Variants in WDR77 observed in about 807,000 individuals in gnomAD.
WDR77 encodes WD repeat domain 77.
A neutral mutation model predicts 44.0 loss-of-function variants in WDR77; 31 were observed. The observed-to-expected ratio is 0.70, with a 90% CI of 0.53 to 0.95. WDR77 has a LOEUF of 0.95. Ranked by LOEUF, WDR77 falls within the 40% of genes least tolerant of loss-of-function variation. The pLI is 0.00. For synonymous variants in WDR77, 186 were observed against 165.7 expected, an observed-to-expected ratio of 1.12 and a Z score of -0.94; for missense variants, 390 against 423.9, an observed-to-expected ratio of 0.92 and a Z score of 0.70.
chr1:111,441,259 C>T lies in WDR77; in HGVS notation c.1000G>A (p.Ala334Thr), dbSNP rs769559656. ...TCAGTAACACTTGCAGGTCCAGGGG[C>T]TGGGAGAGGTTCTGTGGGCACAACG... ...HHVVPTEPLP[A>T]PGPASVTE The change falls in exon 10 of 10, where the codon GCC (alanine) becomes ACC (threonine). Residue 334 changes from alanine to threonine, a missense_variant. By Grantham distance (58) the Ala-to-Thr change is moderately conservative. Coordinates refer to ENST00000235090, the MANE Select transcript of WDR77 (RefSeq NM_024102.4). 8 of 1,574,274 alleles carry T rather than the reference C, an allele frequency of 5.1e-6. 1 individual carries two copies. The South Asian group carries it at 9.4e-5, about 18-fold the overall frequency.
chr1:111,444,207 C>T, intron 4 of WDR77, 83 bp from the exon 5 acceptor site: 1 of 1,384,700 alleles, frequency 7.2e-7, no homozygotes, highest in Non-Finnish European at 1.0e-6. Context: ...AATCAAGGGG[C>T]AGGAGGGAGG....
rs1652751500 is a variant in WDR77 at position 111,440,258 on chromosome 1, T to TAAAA, written c.*971_*972insTTTT. 1 of 152,182 alleles carries TAAAA rather than the reference T, an allele frequency of 6.6e-6. No homozygotes were observed. The highest frequency in any genetic ancestry group is 2.4e-5 in the African/African-American group (1 of 41,436). 9.4% of individuals were successfully genotyped at this position (152,182 alleles called of 1,614,324 possible). Reference sequence around the variant, plus strand: ...TCTAACTACACATAACACACATGCTTCAAAAAAGACAGGCCAACAATGCCT... The same window carrying TAAAA: ...TCTAACTACACATAACACACATGCTTAAAACAAAAAAGACAGGCCAACAATGCCT... On this transcript the variant is annotated 3_prime_UTR_variant, in exon 10 of 10. Coordinates refer to ENST00000235090, the MANE Select transcript of WDR77 (RefSeq NM_024102.4).
At chr1:111,444,746 A>G (rs1215543456) in intron 4 of WDR77, among the ~76,000 whole-genome samples, 3 of 152,262 alleles carry the variant, frequency 2.0e-5, no homozygotes, top group Non-Finnish European at 4.4e-5. Flanking sequence ...GTAAAATTCA[A>G]TGAAGGGGGC....
At chr1:111,447,166 A>T in intron 3 of WDR77, 22 bp from the exon 4 acceptor site, 3 of 1,613,940 alleles carry the variant, frequency 1.9e-6, no homozygotes, top group Non-Finnish European at 2.5e-6. Flanking sequence ...AAGCAAACAG[A>T]CATTTAATCT....
chr1:111,444,007 C>T (rs371963107), intron 5 of WDR77, 47 bp downstream of exon 5: 27 of 1,613,406 alleles, frequency 1.7e-5, no homozygotes, highest in Non-Finnish European at 2.3e-5. Context: ...AGACTTTGGC[C>T]TATGGATGGC....
chr1:111,444,224 T>G, intron 4 of WDR77, 100 bp from the exon 5 acceptor site: 31 of 1,109,926 alleles, frequency 2.8e-5, no homozygotes, highest in Non-Finnish European at 3.5e-5. Context: ...GAGGGAGGGC[T>G]GGTCTCATGA....
At position 111,448,516 on chromosome 1, in the gene WDR77, T is replaced by C. The variant is rs373741247; in HGVS notation, c.301+103A>G. Reference sequence around the variant, plus strand: ...AACACTCTCAGGCTCCTCCAAGCACTGAGTATAGGACGTTAGATATTGAGC... The same window carrying C: ...AACACTCTCAGGCTCCTCCAAGCACCGAGTATAGGACGTTAGATATTGAGC... On this transcript the variant is annotated intron_variant, in intron 2 of 9. Transcript: ENST00000235090. 9.3e-6 allele frequency: 13 copies of C among 1,402,670 alleles called. No individual in the cohort carries two copies. The African/African-American group carries it at 1.7e-4, about 18-fold the overall frequency. 86.9% of individuals were successfully genotyped at this position (1,402,670 alleles called of 1,614,324 possible). A position where few individuals can be genotyped will look rare whatever the true frequency, so the allele number is the denominator to read the frequency against.
chr1:111,441,910 T>C, intron 9 of WDR77, 115 bp downstream of exon 9: 1 of 1,048,364 alleles, frequency 9.5e-7, no homozygotes, highest in Non-Finnish European at 1.4e-6. Flanking sequence ...TCCCTTCGGA[T>C]ACAGATGGAG....
chr1:111,448,484 C>T (rs1653148478), intron 2 of WDR77, 135 bp downstream of exon 2: 3 of 990,990 alleles, frequency 3.0e-6, no homozygotes, highest in Non-Finnish European at 3.0e-6. Flanking sequence ...AGTTTGCATT[C>T]GGGGCCAACA....
At chr1:111,442,002 A>G (rs1367440003) in intron 9 of WDR77, 23 bp downstream of exon 9, 5 of 1,611,298 alleles carry the variant, frequency 3.1e-6, no homozygotes, top group Non-Finnish European at 4.2e-6. Flanking sequence ...CCTGATTCCC[A>G]AAGGATTCCA....
At position 111,449,254 on chromosome 1, in the gene WDR77, T is replaced by A. The variant is rs748037698; in HGVS notation, c.-85A>T. 6.5e-7 allele frequency: 1 copy of A among 1,536,530 alleles called. No homozygotes were observed. Among genetic ancestry groups the A allele is most frequent in the Admixed American group, 2.0e-5 (1 of 51,004 alleles). ...GGCAGCAAACCCCACGTGGTGCACC[T>A]CTGAGCCTCCGCCCCTCTCCCGAGG... On this transcript the variant is annotated 5_prime_UTR_variant, in exon 1 of 10. Coordinates refer to ENST00000235090, the MANE Select transcript of WDR77 (RefSeq NM_024102.4).
intron 4 of WDR77, among the ~76,000 whole-genome samples, chr1:111,446,018 G>A (rs1205403178): frequency 2.6e-5 from 4 of 152,148 alleles, no homozygotes; most frequent in South Asian, 4.1e-4. Flanking sequence ...TGATCCACCC[G>A]CCTCAGCCTC....
At chr1:111,448,915 G>A in intron 1 of WDR77, 111 bp from the exon 2 acceptor site, 4 of 1,541,630 alleles carry the variant, frequency 2.6e-6, no homozygotes, top group Non-Finnish European at 3.5e-6. Context: ...GGAACGCGGG[G>A]CAGGGCTGGG....
chr1:111,443,335 C>T lies in WDR77; in HGVS notation c.679G>A (p.Val227Ile), dbSNP rs1652889186. The T allele has an allele frequency of 5.2e-6, 8 of 1,551,818 alleles. No homozygotes were observed. In the East Asian group the frequency reaches 1.5e-4, roughly 28 times the overall value. Residue 227 changes from valine (V) to isoleucine (I), a missense_variant, in exon 7 of 10, where the codon GTC (valine) becomes ATC (isoleucine). Val to Ile is a conservative substitution (Grantham distance 29, BLOSUM62 3). Transcript: ENST00000235090. ...CACGCTGCCTTACCAAAGACAAAGACTTCACTTTGCTGAGGATGCCAAGCC... is the reference window on the plus strand; with the variant it reads ...CACGCTGCCTTACCAAAGACAAAGATTTCACTTTGCTGAGGATGCCAAGCC... ...SLAWHPQQSE[V>I]FVFGDENGTV... is the part of the protein sequence containing the mutation.
At chr1:111,447,692 T>A in intron 2 of WDR77, 116 bp from the exon 3 acceptor site, 3 of 1,269,748 alleles carry the variant, frequency 2.4e-6, no homozygotes, top group East Asian at 2.4e-5. Context: ...GTTATTCCTG[T>A]AAAAGCAAAG....
chr1:111,441,546 C>T, intron 9 of WDR77, 157 bp from the exon 10 acceptor site: 1 of 1,309,432 alleles, frequency 7.6e-7, no homozygotes, highest in Non-Finnish European at 9.7e-7. Context: ...GTGTAGCTAT[C>T]CACAGTGGAT....
Position 111,447,535 on chromosome 1 carries a change from T to G in WDR77, c.343A>C (p.Ile115Leu). The change falls in exon 3 of 10, where the codon ATT becomes CTT. Residue 115 changes from isoleucine (I) to leucine (L), a missense_variant. By Grantham distance (5) the Ile-to-Leu change is conservative. Transcript: ENST00000235090. ...TCATACTTGCAGAACTTGCTGACAA[T>G]AAGTGTCTCATTCTCATCTAGTTCC... ...LWELDENETL[I>L]VSKFCKYEHD... 2 of 1,614,224 alleles carry G rather than the reference T, an allele frequency of 1.2e-6. No homozygotes were observed. Among genetic ancestry groups the G allele is most frequent in the Non-Finnish European group, 1.7e-6 (2 of 1,180,036 alleles).
chr1:111,447,361 C>A (rs933704706), intron 3 of WDR77, 74 bp downstream of exon 3: 5 of 1,593,168 alleles, frequency 3.1e-6, no homozygotes, highest in Non-Finnish European at 4.3e-6. Flanking sequence ...AAAATGTTAC[C>A]TAATGAGGTT....
chr1:111,449,148 G>A lies in WDR77; in HGVS notation c.22C>T (p.Pro8Ser), dbSNP rs768471611. The change falls in exon 1 of 10, where the codon CCC (proline) becomes TCC (serine). Residue 8 changes from proline (P) to serine (S), a missense_variant. Transcript: ENST00000235090. ...TCCCGGGCCGCCGGGGGCACTAGGG[G>A]GGGTGGGGTTTCCTTCCGCATCTCC... MRKETPP[P>S]LVPPAAREWN... 1.3e-6 allele frequency: 2 copies of A among 1,590,832 alleles called. No individual in the cohort carries two copies. The highest frequency in any genetic ancestry group is 1.7e-5 in the Admixed American group (1 of 58,516).
Sources: gnomAD v4.1 joint callset for allele counts (sites outside exome capture counted in the v4.1 genomes callset) on GRCh38, gnomAD v4.1.1 for gene constraint, MANE v1.5 for transcripts, NCBI Gene and HGNC (gene_info 2026-07-23, HGNC 2026-07-21) for gene names.